Variants in SLC5A2 observed in about 807,000 individuals in gnomAD.
SLC5A2 encodes the protein sodium/glucose cotransporter 2.
A neutral mutation model predicts 69.0 loss-of-function variants in SLC5A2; 67 were observed. The ratio of observed to expected loss-of-function variants is 0.97; its 90% CI spans 0.80 to 1.19. The LOEUF (loss-of-function observed/expected upper bound fraction) is 1.19. Among genes scored for constraint, SLC5A2 ranks in the 50% most tolerant of loss-of-function variants. The probability of loss-of-function intolerance (pLI) is 0.00; values close to 1 mark genes in which losing one functional copy is unlikely to be tolerated. For missense variants in SLC5A2, 1,001 were observed against 921.5 expected, an observed-to-expected ratio of 1.09 and a Z score of -1.12; for synonymous variants, 455 against 395.8, an observed-to-expected ratio of 1.15 and a Z score of -1.78.
chr16:31,488,548 G>T, intron 9 of SLC5A2, 58 bp downstream of exon 9: 2 of 1,602,862 alleles, frequency 1.2e-6, no homozygotes, highest in Non-Finnish European at 1.7e-6. Flanking sequence ...TGCTGGGAGG[G>T]GTCGTCCCTC....
chr16:31,489,525 G>C, intron 12 of SLC5A2, 187 bp downstream of exon 12: 1 of 646,482 alleles, frequency 1.5e-6, no homozygotes, highest in East Asian at 2.7e-5. Context: ...CCGGCCTGGG[G>C]GAGGCTTGAT....
At position 31,488,070 on chromosome 16, in the gene SLC5A2, C is replaced by T; in HGVS notation, c.918C>T (p.Ser306=). 1 of 1,613,976 alleles carries T rather than the reference C, an allele frequency of 6.2e-7. No homozygotes were observed. The highest frequency in any genetic ancestry group is 8.5e-7 in the Non-Finnish European group (1 of 1,179,964). Residue 306 remains serine, a synonymous_variant, in exon 8 of 14, where the codon AGC becomes AGT. Transcript: ENST00000330498. ...VIVQRCLAGK[S]LTHIKAGCIL... ...TGCAGCGCTGCCTGGCCGGGAAGAGCCTGACCCACATCAAGGCGGGCTGCA... is the reference window on the plus strand; with the variant it reads ...TGCAGCGCTGCCTGGCCGGGAAGAGTCTGACCCACATCAAGGCGGGCTGCA...
chr16:31,489,488 A>T, intron 12 of SLC5A2, 150 bp downstream of exon 12: 1 of 712,820 alleles, frequency 1.4e-6, no homozygotes, highest in East Asian at 2.7e-5. Flanking sequence ...CCGAGCAAGA[A>T]TTTTTATTTA....
At position 31,488,617 on chromosome 16, in the gene SLC5A2, C is replaced by G. The variant is rs760945249; in HGVS notation, c.1130-5C>G. On this transcript the variant is annotated splice_region_variant and splice_polypyrimidine_tract_variant and intron_variant, in intron 9 of 13. Coordinates refer to ENST00000330498, the MANE Select transcript of SLC5A2 (RefSeq NM_003041.4). ...CCCAGCCTCACGGCTGCCGTCGGCC[C>G]GCAGGTCTGCGCGGACTCATGCTGG... 2.5e-6 allele frequency: 4 copies of G among 1,610,186 alleles called. No individual in the cohort carries two copies. Among genetic ancestry groups the G allele is most frequent in the East Asian group, 2.2e-5 (1 of 44,804 alleles).
At chr16:31,487,210 T>G in intron 5 of SLC5A2, 110 bp from the exon 6 acceptor site, 2 of 1,076,344 alleles carry the variant, frequency 1.9e-6, no homozygotes, top group Non-Finnish European at 2.9e-6. Flanking sequence ...GTTTTGAAAT[T>G]TATTCTCCAG....
rs1567389730 is a variant in SLC5A2 at position 31,488,045 on chromosome 16, T to C, written c.893T>C (p.Val298Ala). The change falls in exon 8 of 14, where the codon GTG becomes GCG. Residue 298 changes from valine (V) to alanine (A), a missense_variant. Physicochemically the swap from Val to Ala is moderately conservative, Grantham distance 64 (BLOSUM62 0). Coordinates refer to ENST00000330498, the MANE Select transcript of SLC5A2 (RefSeq NM_003041.4). The stretch of plus-strand genomic sequence containing the variant: ...TGAACGCCCCTCCCGTAGGTCATCG[T>C]GCAGCGCTGCCTGGCCGGGAAGAGC... The part of the protein sequence containing the change: ...GWYWCSDQVI[V>A]QRCLAGKSLT... 2 of 1,613,574 alleles carry C rather than the reference T, an allele frequency of 1.2e-6. No individual in the cohort carries two copies. Among genetic ancestry groups the C allele is most frequent in the Admixed American group, 1.7e-5 (1 of 60,032 alleles).
rs745729099 is a variant in SLC5A2, at chr16:31,488,865, C to T, written c.1281-15C>T. The T allele has an allele frequency of 2.5e-6, 4 of 1,603,784 alleles. No homozygotes were observed. The highest frequency in any genetic ancestry group is 2.7e-5 in the African/African-American group (2 of 74,930). On this transcript the variant is annotated splice_polypyrimidine_tract_variant and intron_variant, in intron 10 of 13. Coordinates refer to ENST00000330498, the MANE Select transcript of SLC5A2 (RefSeq NM_003041.4). ...AGCCCAGGGTCCGGGTTCGATCCGACGGCCTCCGCCGCAGGCTCTGGGTGG... is the reference window on the plus strand; with the variant it reads ...AGCCCAGGGTCCGGGTTCGATCCGATGGCCTCCGCCGCAGGCTCTGGGTGG...
Position 31,489,150 on chromosome 16 carries a change from C to T in SLC5A2, c.1477C>T (p.Leu493=). ...QGAFWGLIGG[L]LMGLARLIPE... ...CGCCTTCTGGGGACTCATCGGGGGCCTGCTGATGGGCCTGGCACGCCTGAT... is the reference window on the plus strand; with the variant it reads ...CGCCTTCTGGGGACTCATCGGGGGCTTGCTGATGGGCCTGGCACGCCTGAT... Residue 493 remains leucine (L), a synonymous_variant, in exon 12 of 14, where the codon CTG becomes TTG. Coordinates refer to ENST00000330498, the MANE Select transcript of SLC5A2 (RefSeq NM_003041.4). 1 of 1,609,690 alleles carries T rather than the reference C, an allele frequency of 6.2e-7. No homozygotes were observed.
chr16:31,488,726 C>T lies in SLC5A2; in HGVS notation c.1234C>T (p.Arg412Cys). The T allele has an allele frequency of 6.2e-7, 1 of 1,611,202 alleles. No individual in the cohort carries two copies. Among genetic ancestry groups the T allele is most frequent in the South Asian group, 1.1e-5 (1 of 90,978 alleles). The change falls in exon 10 of 14, where the codon CGC (arginine) becomes TGC (cysteine). Residue 412 changes from arginine (R) to cysteine (C), a missense_variant. Arg to Cys is a radical substitution (Grantham distance 180). Transcript: ENST00000330498. ...STLFTMDIYT[R>C]LRPRAGDREL... is the part of the protein sequence containing the mutation. ...GCTCTTCACCATGGACATCTACACG[C>T]GCCTGCGGCCACGCGCCGGCGACCG...
chr16:31,488,627 C>G lies in SLC5A2; in HGVS notation c.1135C>G (p.Arg379Gly). Residue 379 changes from arginine to glycine, a missense_variant, in exon 10 of 14, where the codon CGC (arginine) becomes GGC (glycine). By Grantham distance (125) the Arg-to-Gly change is moderately radical. Transcript: ENST00000330498. The stretch of plus-strand genomic sequence containing the variant: ...CGGCTGCCGTCGGCCCGCAGGTCTG[C>G]GCGGACTCATGCTGGCGGTCATGCT... ...LVVKLMPNGL[R>G]GLMLAVMLAA... The G allele has an allele frequency of 6.2e-7, 1 of 1,611,146 alleles. No homozygotes were observed. The highest frequency in any genetic ancestry group is 8.5e-7 in the Non-Finnish European group (1 of 1,179,396).
rs771562669 is a variant in SLC5A2, at chr16:31,489,112, T to C, written c.1450-11T>C. The stretch of plus-strand genomic sequence containing the variant: ...GCACATCCTCAGCAGGCTGACCTGT[T>C]TCCTTCGCAGGGCGCCTTCTGGGGA... On this transcript the variant is annotated splice_polypyrimidine_tract_variant and intron_variant, in intron 11 of 13. Coordinates refer to ENST00000330498, the MANE Select transcript of SLC5A2 (RefSeq NM_003041.4). 1.2e-6 allele frequency: 2 copies of C among 1,606,578 alleles called. No individual in the cohort carries two copies. Among genetic ancestry groups the C allele is most frequent in the Non-Finnish European group, 1.7e-6 (2 of 1,179,930 alleles).
chr16:31,486,599 G>A lies in SLC5A2; in HGVS notation c.574+324G>A, dbSNP rs144413428. ...TCTCCAAGATCTCTGGCAAAACCCAGTATGGTTCATAGGGACCTGGGGTGG... is the reference window on the plus strand; with the variant it reads ...TCTCCAAGATCTCTGGCAAAACCCAATATGGTTCATAGGGACCTGGGGTGG... On this transcript the variant is annotated intron_variant, in intron 5 of 13. Transcript: ENST00000330498. Among the ~76,000 whole-genome samples, 1,093 of 152,316 alleles carry A rather than the reference G, an allele frequency of 7.2e-3. 6 individuals carry two copies. The highest frequency in any genetic ancestry group is 0.013 in the Non-Finnish European group (915 of 68,028).
In SLC5A2 at chr16:31,488,169, C is replaced by T. The variant is rs201865746; in HGVS notation, c.1017C>T (p.Tyr339=). 69 of 1,614,048 alleles carry T rather than the reference C, an allele frequency of 4.3e-5. No homozygotes were observed. In the Admixed American group the frequency reaches 1.1e-3, roughly 26 times the overall value. ...VMPGMISRIL[Y]PDEVACVVPE... ...CAGGCATGATCAGCCGCATTCTGTA[C>T]CCAGGTAACATCCCTGCCCCGCCCC... The change falls in exon 8 of 14, where the codon TAC becomes TAT. Residue 339 remains tyrosine (Y), a synonymous_variant. Coordinates refer to ENST00000330498, the MANE Select transcript of SLC5A2 (RefSeq NM_003041.4).
chr16:31,486,166 C>T lies in SLC5A2; in HGVS notation c.469-4C>T, dbSNP rs748154199. 17 of 1,611,006 alleles carry T rather than the reference C, an allele frequency of 1.1e-5. No individual in the cohort carries two copies. The highest frequency in any genetic ancestry group is 1.4e-5 in the Non-Finnish European group (16 of 1,177,184). On this transcript the variant is annotated splice_polypyrimidine_tract_variant and splice_region_variant and intron_variant, in intron 4 of 13. Transcript: ENST00000330498. The stretch of plus-strand genomic sequence containing the variant: ...CCTGACCTGGCACTTGCTTCTCCCC[C>T]AAGGTGGACATGTTCTCCGGAGCTG...
chr16:31,483,396 T>C, intron 1 of SLC5A2, 134 bp downstream of exon 1: 1 of 1,190,352 alleles, frequency 8.4e-7, no homozygotes, highest in Non-Finnish European at 1.2e-6. Flanking sequence ...GGCAAGCAGG[T>C]CTTTGGAAGT....
Position 31,489,257 on chromosome 16 carries a change from C to T in SLC5A2, c.1584C>T (p.Tyr528=), listed in dbSNP as rs746131458. The T allele has an allele frequency of 9.9e-6, 16 of 1,610,922 alleles. No homozygotes were observed. Among genetic ancestry groups the T allele is most frequent in the Non-Finnish European group, 1.3e-5 (15 of 1,180,024 alleles). ...PAFLCGVHYL[Y]FAIVLFFCSG... ...TCCTCTGCGGCGTGCACTACCTCTA[C>T]TTCGCCATTGTGCTGTTCTTCTGCT... Residue 528 remains tyrosine (Y), a synonymous_variant, in exon 12 of 14, where the codon TAC becomes TAT. Transcript: ENST00000330498.
In SLC5A2 at chr16:31,484,856, G is replaced by A. The variant is rs1440057852; in HGVS notation, c.236G>A (p.Gly79Asp). The A allele has an allele frequency of 6.2e-7, 1 of 1,614,002 alleles. No individual in the cohort carries two copies. Residue 79 changes from glycine to aspartate, a missense_variant, in exon 3 of 14, where the codon GGC (glycine) becomes GAC (aspartate). Gly to Asp is a moderately conservative substitution (Grantham distance 94, BLOSUM62 -1). Coordinates refer to ENST00000330498, the MANE Select transcript of SLC5A2 (RefSeq NM_003041.4). The part of the protein sequence containing the change: ...ASLFASNIGS[G>D]HFVGLAGTGA... ...CTCTTCGCCAGCAACATCGGCAGTGGCCACTTTGTGGGCCTGGCAGGGACT... is the reference window on the plus strand; with the variant it reads ...CTCTTCGCCAGCAACATCGGCAGTGACCACTTTGTGGGCCTGGCAGGGACT...
Position 31,489,234 on chromosome 16 carries a change from C to T in SLC5A2, c.1561C>T (p.Leu521Phe), listed in dbSNP as rs759220583. ...GCAGCCCTCGGCGTGCCCAGCTTTC[C>T]TCTGCGGCGTGCACTACCTCTACTT... Reference protein sequence around the residue: ...CVQPSACPAFLCGVHYLYFAI... With the variant: ...CVQPSACPAFFCGVHYLYFAI... Residue 521 changes from leucine (L) to phenylalanine (F), a missense_variant, in exon 12 of 14, where the codon CTC (leucine) becomes TTC (phenylalanine). By Grantham distance (22) the Leu-to-Phe change is conservative. Coordinates refer to ENST00000330498, the MANE Select transcript of SLC5A2 (RefSeq NM_003041.4). The T allele has an allele frequency of 3.1e-6, 5 of 1,610,556 alleles. No individual in the cohort carries two copies. Among genetic ancestry groups the T allele is most frequent in the Non-Finnish European group, 4.2e-6 (5 of 1,179,994 alleles).
At chr16:31,487,171 G>A in intron 5 of SLC5A2, 149 bp from the exon 6 acceptor site, 1 of 806,970 alleles carries the variant, frequency 1.2e-6, no homozygotes, top group East Asian at 2.5e-5. Context: ...GTTGGTGCCT[G>A]CGTGCATGAG....
Sources: allele counts gnomAD v4.1 joint callset (sites outside exome capture counted in the v4.1 genomes callset), GRCh38; gene constraint gnomAD v4.1.1; transcripts MANE v1.5; gene names NCBI Gene and HGNC (gene_info 2026-07-23, HGNC 2026-07-21).